PHEX: variants seen among roughly 807,000 people sequenced by gnomAD.
The protein encoded by PHEX is phosphate regulating endopeptidase X-linked.
In PHEX, 16 loss-of-function variants were observed where a neutral mutation model predicts 68.0. The ratio of observed to expected loss-of-function variants is 0.24; its 90% CI spans 0.16 to 0.36. The LOEUF (loss-of-function observed/expected upper bound fraction) is 0.36, where lower values mean the gene tolerates loss of function less well. PHEX is among the 10% of genes least tolerant of loss of function. The pLI is 1.00. For synonymous variants in PHEX, 208 were observed against 205.1 expected (o/e 1.01, Z -0.12); for missense variants, 480 against 575.5 (o/e 0.83, Z 1.70).
At chrX:22,211,427 A>T (rs894479092) in intron 15 of PHEX, among the ~76,000 whole-genome samples, 1 of 112,209 alleles carries the variant, frequency 8.9e-6, no homozygotes, top group South Asian at 3.7e-4. Context: ...GTTACTTTTC[A>T]TCTCAATATT....
At chrX:22,134,952 G>C (rs1477098617) in intron 12 of PHEX, among the ~76,000 whole-genome samples, 1 of 112,001 alleles carries the variant, frequency 8.9e-6, no homozygotes, top group Non-Finnish European at 1.9e-5. Flanking sequence ...TTTTGCCTCA[G>C]CGTTCTGGGA....
intron 11 of PHEX, among the ~76,000 whole-genome samples, chrX:22,115,917 T>A (rs1931214444): frequency 8.9e-6 from 1 of 112,594 alleles, no homozygotes; most frequent in South Asian, 3.7e-4. Context: ...GCAATGAACA[T>A]GAAGGTGCAG....
intron 3 of PHEX, among the ~76,000 whole-genome samples, chrX:22,074,480 T>C (rs1229013798): frequency 9.0e-6 from 1 of 110,678 alleles, no homozygotes; most frequent in African/African-American, 3.3e-5. Context: ...CTGTGATAGA[T>C]AGCATGCCTT....
intron 11 of PHEX, among the ~76,000 whole-genome samples, chrX:22,126,554 A>G (rs1931729482): frequency 1.8e-5 from 2 of 111,879 alleles, no homozygotes; most frequent in Non-Finnish European, 3.8e-5. Flanking sequence ...TCTTATGTCT[A>G]TGTGATGGGA....
chrX:22,219,458 G>A (rs1935197334), intron 17 of PHEX, among the ~76,000 whole-genome samples: 1 of 112,311 alleles, frequency 8.9e-6, no homozygotes, highest in Non-Finnish European at 1.9e-5. Flanking sequence ...CTCCCTGGAG[G>A]AGCAAGCTCT....
intron 20 of PHEX, among the ~76,000 whole-genome samples, chrX:22,242,943 A>G (rs891432607): frequency 4.5e-5 from 5 of 111,958 alleles, no homozygotes; most frequent in Non-Finnish European, 9.4e-5. Context: ...TAAACTTCAT[A>G]TGGAACCAAA....
intron 6 of PHEX, among the ~76,000 whole-genome samples, chrX:22,091,079 G>C: frequency 8.9e-6 from 1 of 112,059 alleles, no homozygotes; most frequent in South Asian, 3.7e-4. Context: ...ATATTGGAAA[G>C]AGCTGGTTCA....
chrX:22,112,655 C>T (rs768228693), intron 10 of PHEX, among the ~76,000 whole-genome samples: 47 of 111,178 alleles, frequency 4.2e-4, no homozygotes, highest in Middle Eastern at 4.6e-3. Flanking sequence ...ACCTGTAATC[C>T]CAGCACTTTG....
At chrX:22,118,339 C>CAAAAAAAAAA (rs1157170753) in intron 11 of PHEX, among the ~76,000 whole-genome samples, 1 of 21,111 alleles carries the variant, frequency 4.7e-5, no homozygotes, top group African/African-American at 1.7e-4. Flanking sequence ...TAAACAGCAC[C>CAAAAAAAAAA]AAAAAAAAAA....
chrX:22,216,956 GT>G (rs1201079849), intron 16 of PHEX, among the ~76,000 whole-genome samples: 1 of 112,300 alleles, frequency 8.9e-6, no homozygotes, highest in African/African-American at 3.2e-5. Flanking sequence ...TTGTGATTAA[GT>G]AACTGAGAAT....
intron 11 of PHEX, among the ~76,000 whole-genome samples, 170 bp from the exon 12 acceptor site, chrX:22,133,353 G>T (rs1932094953): frequency 1.8e-5 from 2 of 111,822 alleles, no homozygotes; most frequent in Non-Finnish European, 3.8e-5. Flanking sequence ...GGAAAAAAGG[G>T]AATTTTCCTG....
intron 15 of PHEX, among the ~76,000 whole-genome samples, chrX:22,201,692 T>C (rs1934563715): frequency 8.9e-6 from 1 of 111,788 alleles, no homozygotes; most frequent in Non-Finnish European, 1.9e-5. Flanking sequence ...CCAGAACCAA[T>C]GCCTGTAAGG....
chrX:22,135,225 G>A (rs1932179434), intron 12 of PHEX, among the ~76,000 whole-genome samples: 1 of 111,929 alleles, frequency 8.9e-6, no homozygotes, highest in South Asian at 3.7e-4. Context: ...GTCACATAAG[G>A]CACAGGCTGA....
intron 13 of PHEX, among the ~76,000 whole-genome samples, chrX:22,175,362 T>A (rs1194353881): frequency 1.8e-5 from 2 of 109,069 alleles, no homozygotes; most frequent in Non-Finnish European, 3.8e-5. Flanking sequence ...TTTTTTTTTT[T>A]AATTTTTAGG....
chrX:22,046,993 G>T, intron 2 of PHEX, 57 bp from the exon 3 acceptor site: 1 of 1,004,598 alleles, frequency 1.0e-6, no homozygotes, highest in East Asian at 3.0e-5. Context: ...ATTTGGAAAA[G>T]AACAGTATAC....
At chrX:22,044,212 G>C (rs1165165545) in intron 2 of PHEX, among the ~76,000 whole-genome samples, 1 of 110,590 alleles carries the variant, frequency 9.0e-6, no homozygotes, top group Non-Finnish European at 1.9e-5. Context: ...CTGGAAAACA[G>C]TGTACTCATG....
chrX:22,240,329 C>T (rs776053596), intron 20 of PHEX, among the ~76,000 whole-genome samples: 4 of 112,181 alleles, frequency 3.6e-5, no homozygotes, highest in African/African-American at 1.3e-4. Context: ...ACTGCATCAA[C>T]TAATGGGCAA....
intron 12 of PHEX, among the ~76,000 whole-genome samples, chrX:22,152,576 G>T (rs2301318): frequency 0.27 from 30,327 of 110,868 alleles, 3,230 homozygotes; most frequent in South Asian, 0.58. Context: ...TCTTCACTCC[G>T]TCTAAACACA....
intron 9 of PHEX, among the ~76,000 whole-genome samples, chrX:22,108,501 A>C (rs1247623390): frequency 9.0e-6 from 1 of 111,280 alleles, no homozygotes; most frequent in Non-Finnish European, 1.9e-5. Flanking sequence ...CATCCCCAAA[A>C]GCTATTGAAA....
Sources: allele counts gnomAD v4.1 joint callset (sites outside exome capture counted in the v4.1 genomes callset), GRCh38; gene constraint gnomAD v4.1.1; transcripts MANE v1.5; gene names NCBI Gene and HGNC (gene_info 2026-07-23, HGNC 2026-07-21).